Variants in CAMTA1 observed in about 807,000 individuals in gnomAD.
CAMTA1 encodes calmodulin binding transcription activator 1, also known as calmodulin-binding transcription activator 1.
Under a neutral mutation model 170.9 loss-of-function variants are expected in CAMTA1, and 27 were observed. The observed-to-expected ratio is 0.16, with a 90% CI of 0.12 to 0.22. The LOEUF is 0.22. Ranked by LOEUF, CAMTA1 falls within the 10% of genes least tolerant of loss-of-function variation. CAMTA1 has a pLI of 1.00. For missense variants in CAMTA1, 1,619 were observed against 2,217.2 expected (o/e 0.73, Z 5.42); for synonymous variants, 833 against 891.5 (o/e 0.93, Z 1.17).
intron 6 of CAMTA1, among the ~76,000 whole-genome samples, chr1:7,638,285 T>C (rs1476230813): frequency 6.6e-6 from 1 of 152,118 alleles, no homozygotes; most frequent in African/African-American, 2.4e-5. Context: ...CCCACGTGGC[T>C]TTTTCCATTG....
intron 6 of CAMTA1, among the ~76,000 whole-genome samples, chr1:7,624,886 G>A (rs1406438123): frequency 6.6e-6 from 1 of 152,198 alleles, no homozygotes; most frequent in East Asian, 1.9e-4. Context: ...TATTTTGGTT[G>A]GAAGGATAAA....
intron 5 of CAMTA1, among the ~76,000 whole-genome samples, chr1:7,395,495 A>T (rs2089224830): frequency 1.3e-5 from 2 of 152,188 alleles, no homozygotes; most frequent in East Asian, 3.8e-4. Flanking sequence ...TTTTGAAGGT[A>T]GGTAATGTGA....
Position 6,887,667 on chromosome 1 carries a change from A to G in CAMTA1, c.234+62457A>G, listed in dbSNP as rs1035010156. On this transcript the variant is annotated intron_variant, in intron 3 of 22. Transcript: ENST00000303635. This position sits in a 1 kb window ranked among gnomAD's most constrained non-coding sequence, Gnocchi z 4.1. ...TATTTATTTCAGGCTCTCACCACAC[A>G]CTTGTTCATGGGCGCAGCAAAGAAG... 39 of 1,535,136 alleles carry G rather than the reference A, an allele frequency of 2.5e-5. No individual in the cohort carries two copies. Among genetic ancestry groups the G allele is most frequent in the Non-Finnish European group, 3.3e-5 (38 of 1,146,608 alleles).
intron 4 of CAMTA1, among the ~76,000 whole-genome samples, chr1:7,109,430 T>C (rs992159872): frequency 6.6e-5 from 10 of 152,232 alleles, no homozygotes; most frequent in Admixed American, 3.3e-4. Flanking sequence ...CTTGCCTTTC[T>C]GGGGCTCAGT....
intron 3 of CAMTA1, among the ~76,000 whole-genome samples, chr1:6,899,722 T>C (rs1372472851): frequency 1.3e-5 from 2 of 152,212 alleles, no homozygotes; most frequent in African/African-American, 4.8e-5. Context: ...TAGCAGTTGA[T>C]ACTGTAGATA....
At chr1:7,178,730 G>T (rs1273702623) in intron 4 of CAMTA1, among the ~76,000 whole-genome samples, 2 of 152,210 alleles carry the variant, frequency 1.3e-5, no homozygotes, top group Non-Finnish European at 2.9e-5. Flanking sequence ...TAGCCAAGCT[G>T]CAGAGAGCTC....
chr1:7,389,983 C>T (rs2088506562), intron 5 of CAMTA1, among the ~76,000 whole-genome samples: 1 of 152,178 alleles, frequency 6.6e-6, no homozygotes, highest in Admixed American at 6.5e-5. Flanking sequence ...CATTGTGATG[C>T]TGCACAATAA....
rs70987364 is a variant in CAMTA1, at chr1:7,688,011, C to CTTTTTTTTTTTTTTTTTTTT, written c.2914+10295_2914+10296insTTTTTTTTTTTTTTTTTTTT. Among the ~76,000 whole-genome samples, 58 of 103,274 alleles carry CTTTTTTTTTTTTTTTTTTTT rather than the reference C, an allele frequency of 5.6e-4. 5 individuals carry two copies. Among genetic ancestry groups the CTTTTTTTTTTTTTTTTTTTT allele is most frequent in the African/African-American group, 8.2e-4 (22 of 26,932 alleles). 67.8% of individuals were successfully genotyped at this position (103,274 alleles called of 152,430 possible). ...CGATTACGTCGGACTCTCATTATTC[C>CTTTTTTTTTTTTTTTTTTTT]TTTTTTTTTTTTTTTTTGGCAGAGT... On this transcript the variant is annotated intron_variant, in intron 11 of 22. Coordinates refer to ENST00000303635, the MANE Select transcript of CAMTA1 (RefSeq NM_015215.4).
chr1:7,174,449 T>C (rs996774856), intron 4 of CAMTA1, among the ~76,000 whole-genome samples: 1 of 152,206 alleles, frequency 6.6e-6, no homozygotes, highest in African/African-American at 2.4e-5. Context: ...AAGGCCCTTT[T>C]TCAAAAAGTC....
At chr1:7,487,470 G>A (rs1481804935) in intron 6 of CAMTA1, among the ~76,000 whole-genome samples, 1 of 152,232 alleles carries the variant, frequency 6.6e-6, no homozygotes. Context: ...GTATTGCACT[G>A]CAGTGGCATT....
chr1:6,940,482 C>T (rs1218043263), intron 3 of CAMTA1, among the ~76,000 whole-genome samples: 1 of 152,208 alleles, frequency 6.6e-6, no homozygotes, highest in African/African-American at 2.4e-5. Context: ...AGCCTAATCT[C>T]ATCCAGAGAC....
At chr1:7,598,408 G>A (rs909269986) in intron 6 of CAMTA1, among the ~76,000 whole-genome samples, 2 of 152,182 alleles carry the variant, frequency 1.3e-5, no homozygotes, top group African/African-American at 4.8e-5. Context: ...GTGTGCATGT[G>A]TCTTTATAGC....
intron 3 of CAMTA1, among the ~76,000 whole-genome samples, chr1:6,902,072 C>CACACACACAA (rs3986505): frequency 5.0e-4 from 44 of 88,492 alleles, no homozygotes; most frequent in East Asian, 1.7e-3. Flanking sequence ...CACACACACA[C>CACACACACAA]AAAAAAAAAA....
chr1:7,390,799 C>A (rs575365003), intron 5 of CAMTA1, among the ~76,000 whole-genome samples: 74 of 152,366 alleles, frequency 4.9e-4, no homozygotes, highest in Admixed American at 1.5e-3. Flanking sequence ...AGAGCCTGTG[C>A]TCTGCACCGC....
chr1:7,559,183 G>A (rs1356663240), intron 6 of CAMTA1, among the ~76,000 whole-genome samples: 1 of 152,202 alleles, frequency 6.6e-6, no homozygotes, highest in Admixed American at 6.5e-5. Context: ...CCCGCCAAGA[G>A]GGGCCCGAGT....
intron 3 of CAMTA1, among the ~76,000 whole-genome samples, chr1:7,020,734 G>A (rs1701220497): frequency 6.6e-6 from 1 of 152,216 alleles, no homozygotes. Context: ...GGGGCAAGAT[G>A]ATGACATGGG....
At chr1:7,185,105 A>G (rs1322667743) in intron 4 of CAMTA1, among the ~76,000 whole-genome samples, 1 of 152,202 alleles carries the variant, frequency 6.6e-6, no homozygotes, top group Admixed American at 6.5e-5. Context: ...ATGGAAAGGT[A>G]TAGAAGGCTA....
At chr1:7,027,998 A>G (rs1254112768) in intron 3 of CAMTA1, among the ~76,000 whole-genome samples, 1 of 150,584 alleles carries the variant, frequency 6.6e-6, no homozygotes, top group African/African-American at 2.5e-5. Context: ...TCTGCCTCCC[A>G]GGTTCAAGCA....
chr1:7,235,348 C>T (rs1264078273), intron 4 of CAMTA1, among the ~76,000 whole-genome samples: 4 of 152,120 alleles, frequency 2.6e-5, no homozygotes, highest in Non-Finnish European at 5.9e-5. Flanking sequence ...AAAATGAGGC[C>T]GGGCGCATGG....
Sources: allele counts gnomAD v4.1 joint callset (sites outside exome capture counted in the v4.1 genomes callset), GRCh38; gene constraint gnomAD v4.1.1; non-coding constraint Gnocchi (gnomAD v3.1); transcripts MANE v1.5; gene names NCBI Gene and HGNC (gene_info 2026-07-23, HGNC 2026-07-21).